Variants in SLC14A2 observed in about 807,000 individuals in gnomAD.
SLC14A2 encodes the protein urea transporter 2.
SLC14A2 carries 91 observed loss-of-function variants against 104.6 expected under a neutral mutation model. The observed-to-expected ratio is 0.87, with a 90% CI of 0.73 to 1.04. The LOEUF is 1.04. SLC14A2 is among the 50% of genes least tolerant of loss of function. The pLI is 0.00. For missense variants in SLC14A2, 1,189 were observed against 1,156.0 expected (o/e 1.03, Z -0.41); for synonymous variants, 476 against 466.4 (o/e 1.02, Z -0.27).
In SLC14A2 at chr18:45,273,780, A is replaced by C. The variant is rs568842950; in HGVS notation, c.-125+60589A>C. ...CACAGATTGTACTTTGGGTGACACAAAATTCTCTTCTCGTTTGGAAATTAA... is the reference window on the plus strand; with the variant it reads ...CACAGATTGTACTTTGGGTGACACACAATTCTCTTCTCGTTTGGAAATTAA... On this transcript the variant is annotated intron_variant, in intron 1 of 20. Transcript: ENST00000586448. Among the ~76,000 whole-genome samples the C allele has an allele frequency of 3.9e-5, 6 of 152,238 alleles. No homozygotes were observed. In the East Asian group the frequency reaches 5.8e-4, roughly 15 times the overall value.
At chr18:45,533,128 A>G (rs193166157) in intron 2 of SLC14A2, among the ~76,000 whole-genome samples, 47,080 of 151,804 alleles carry the variant, frequency 0.31, 8,800 homozygotes, top group African/African-American at 0.52. Context: ...TTTTGCATCA[A>G]TGTTTATCAA....
intron 1 of SLC14A2, among the ~76,000 whole-genome samples, chr18:45,616,895 T>A (rs2045080223): frequency 6.6e-6 from 1 of 152,082 alleles, no homozygotes; most frequent in Non-Finnish European, 1.5e-5. Flanking sequence ...CTCAGGAGTC[T>A]GAGACCAGTC....
intron 1 of SLC14A2, among the ~76,000 whole-genome samples, chr18:45,247,605 C>T (rs1290037548): frequency 6.6e-6 from 1 of 152,042 alleles, no homozygotes; most frequent in Non-Finnish European, 1.5e-5. Context: ...CAAGTGAGAT[C>T]TGTCATGCTC....
intron 1 of SLC14A2, among the ~76,000 whole-genome samples, chr18:45,408,698 C>T (rs1394499300): frequency 6.6e-6 from 1 of 152,086 alleles, no homozygotes; most frequent in African/African-American, 2.4e-5. Context: ...GATTTCCCCA[C>T]ACCATGTATT....
chr18:45,456,339 C>A (rs1472548905), intron 1 of SLC14A2, among the ~76,000 whole-genome samples: 1 of 152,228 alleles, frequency 6.6e-6, no homozygotes, highest in African/African-American at 2.4e-5. Flanking sequence ...GCACCCAGAG[C>A]TCTGCAGAGT....
At chr18:45,183,649 CTTTCTT>C in the SLC14A2 span, among the ~76,000 whole-genome samples, 1 of 151,352 alleles carries the variant, frequency 6.6e-6, no homozygotes, top group African/African-American at 2.4e-5. Context: ...TTTTCCTTTT[CTTTCTT>C]TTTCTTTTTT....
intron 2 of SLC14A2, among the ~76,000 whole-genome samples, chr18:45,608,452 G>C (rs2044908078): frequency 6.6e-6 from 1 of 152,220 alleles, no homozygotes; most frequent in Non-Finnish European, 1.5e-5. Flanking sequence ...GGAGTAAGTA[G>C]AAGAGCTGCA....
At chr18:45,170,901 G>C in the SLC14A2 span, among the ~76,000 whole-genome samples, 1 of 152,124 alleles carries the variant, frequency 6.6e-6, no homozygotes, top group Non-Finnish European at 1.5e-5. Flanking sequence ...GGTGCCATTG[G>C]GGGTAGGAGA....
In SLC14A2 at chr18:45,641,396, C is replaced by T. The variant is rs922510850; in HGVS notation, c.1126+53C>T. 29 of 1,602,994 alleles carry T rather than the reference C, an allele frequency of 1.8e-5. No individual in the cohort carries two copies. The African/African-American group carries it at 3.3e-4, about 18-fold the overall frequency. ...GGTTATTCTGGCTATTCCTTCCCCC[C>T]TTGTTTATGTGAAACCCATGGGGAC... On this transcript the variant is annotated intron_variant, in intron 8 of 19. Coordinates refer to ENST00000255226, the MANE Select transcript of SLC14A2 (RefSeq NM_007163.4).
intron 1 of SLC14A2, among the ~76,000 whole-genome samples, chr18:45,483,006 T>G (rs952242039): frequency 6.6e-6 from 1 of 152,192 alleles, no homozygotes; most frequent in Non-Finnish European, 1.5e-5. Context: ...CATGTATACA[T>G]AAATATTCAT....
intron 2 of SLC14A2, among the ~76,000 whole-genome samples, chr18:45,486,935 T>C (rs1393664760): frequency 6.6e-6 from 1 of 152,214 alleles, no homozygotes; most frequent in Non-Finnish European, 1.5e-5. Context: ...CTCAGACCAG[T>C]GAAGGGCATG....
the SLC14A2 span, among the ~76,000 whole-genome samples, chr18:45,174,020 G>T: frequency 6.6e-6 from 1 of 152,030 alleles, no homozygotes; most frequent in Non-Finnish European, 1.5e-5. Flanking sequence ...CACTTTAAAC[G>T]GTATTATGGA....
chr18:45,427,423 C>A (rs1394049386), intron 1 of SLC14A2, among the ~76,000 whole-genome samples: 2 of 152,118 alleles, frequency 1.3e-5, no homozygotes, highest in East Asian at 3.9e-4. Flanking sequence ...CATTTGGATG[C>A]CAGTGTTTCC....
chr18:45,451,468 A>T (rs2086857036), intron 1 of SLC14A2, among the ~76,000 whole-genome samples: 1 of 152,196 alleles, frequency 6.6e-6, no homozygotes, highest in Non-Finnish European at 1.5e-5. Flanking sequence ...GAGTTCCATG[A>T]AAAAGCTTAG....
At chr18:45,214,880 C>T (rs529929985) in intron 1 of SLC14A2, among the ~76,000 whole-genome samples, 6 of 148,000 alleles carry the variant, frequency 4.1e-5, no homozygotes, top group Non-Finnish European at 8.9e-5. Context: ...GACCCCTACC[C>T]TGCAGGGTTT....
intron 1 of SLC14A2, among the ~76,000 whole-genome samples, chr18:45,430,262 C>CA (rs1326873510): frequency 6.6e-6 from 1 of 152,160 alleles, no homozygotes; most frequent in Admixed American, 6.5e-5. Context: ...AATGCTGGAA[C>CA]AAAAAACAAG....
At chr18:45,353,864 G>A (rs1015007673) in intron 1 of SLC14A2, among the ~76,000 whole-genome samples, 1 of 152,160 alleles carries the variant, frequency 6.6e-6, no homozygotes, top group Non-Finnish European at 1.5e-5. Flanking sequence ...TAAAATCTTA[G>A]AGGCTTATGT....
chr18:45,500,188 C>T (rs2043168943), intron 2 of SLC14A2, among the ~76,000 whole-genome samples: 1 of 152,220 alleles, frequency 6.6e-6, no homozygotes, highest in Non-Finnish European at 1.5e-5. Context: ...TCCTCCTGAT[C>T]ACTTGGCCTA....
intron 2 of SLC14A2, among the ~76,000 whole-genome samples, chr18:45,575,623 T>C (rs2044407604): frequency 6.6e-6 from 1 of 152,198 alleles, no homozygotes; most frequent in South Asian, 2.1e-4. Flanking sequence ...CGCATTTTGC[T>C]TTCATTTTCC....
Sources: gnomAD v4.1 joint callset for allele counts (sites outside exome capture counted in the v4.1 genomes callset) on GRCh38, gnomAD v4.1.1 for gene constraint, MANE v1.5 for transcripts, NCBI Gene and HGNC (gene_info 2026-07-23, HGNC 2026-07-21) for gene names.